Variants in EML5 observed in about 807,000 individuals in gnomAD.
EML5 encodes echinoderm microtubule-associated protein-like 5.
Under a neutral mutation model 250.0 loss-of-function variants are expected in EML5, and 120 were observed. The ratio of observed to expected loss-of-function variants is 0.48; its 90% CI spans 0.41 to 0.56. The LOEUF (loss-of-function observed/expected upper bound fraction) is 0.56. EML5 is among the 20% of genes least tolerant of loss of function. The pLI is 0.00. For synonymous variants in EML5, 771 were observed against 806.5 expected, an observed-to-expected ratio of 0.96 and a Z score of 0.75; for missense variants, 2,006 against 2,437.6, an observed-to-expected ratio of 0.82 and a Z score of 3.73.
intron 21 of EML5, among the ~76,000 whole-genome samples, chr14:88,678,453 A>T (rs868846570): frequency 4.6e-5 from 7 of 150,822 alleles, no homozygotes; most frequent in African/African-American, 7.4e-5. Flanking sequence ...AACATAAAAT[A>T]AAAAAAAATT....
chr14:88,741,696 CCA>C (rs1171471230), intron 4 of EML5, among the ~76,000 whole-genome samples: 1 of 151,908 alleles, frequency 6.6e-6, no homozygotes, highest in Non-Finnish European at 1.5e-5. Context: ...CCAGCATGGG[CCA>C]CATGGTAGGA....
At chr14:88,787,200 A>G (rs2094560012) in intron 1 of EML5, among the ~76,000 whole-genome samples, 1 of 152,196 alleles carries the variant, frequency 6.6e-6, no homozygotes, top group Admixed American at 6.5e-5. Context: ...TATATTCTAT[A>G]AGAAACACTG....
intron 14 of EML5, among the ~76,000 whole-genome samples, chr14:88,698,923 A>C (rs1595566966): frequency 6.6e-6 from 1 of 152,222 alleles, no homozygotes; most frequent in Non-Finnish European, 1.5e-5. Flanking sequence ...CGAGATGGGA[A>C]CAGATAACAT....
At position 88,746,930 on chromosome 14, in the gene EML5, C is replaced by G. The variant is rs144732765; in HGVS notation, c.358-647G>C. Among the ~76,000 whole-genome samples, 22 of 152,288 alleles carry G rather than the reference C, an allele frequency of 1.4e-4. No homozygotes were observed. The East Asian group carries it at 2.5e-3, about 17-fold the overall frequency. On this transcript the variant is annotated intron_variant, in intron 2 of 43. Transcript: ENST00000554922. ...TCACATGGTTGCTGGCCTAAATTCT[C>G]ATTAAACATGAATCCTTCAACTAGG...
chr14:88,792,476 G>A lies in EML5; in HGVS notation c.28C>T (p.His10Tyr). Reference sequence around the variant, plus strand: ...CCGTACACCCACTCGAGCCGCAGGTGGCAGCTCGGGGCGCTCCGGGCCGCC... The same window carrying A: ...CCGTACACCCACTCGAGCCGCAGGTAGCAGCTCGGGGCGCTCCGGGCCGCC... Reference protein sequence around the residue: MAARSAPSCHLRLEWVYGYR... With the variant: MAARSAPSCYLRLEWVYGYR... Residue 10 changes from histidine (H) to tyrosine (Y), a missense_variant, in exon 1 of 44, where the codon CAC becomes TAC. Coordinates refer to ENST00000554922, the MANE Select transcript of EML5 (RefSeq NM_183387.3). This position sits in a 1 kb window ranked among gnomAD's most constrained non-coding sequence, Gnocchi z 6.9. 4.1e-6 allele frequency: 6 copies of A among 1,466,196 alleles called. No homozygotes were observed. Among genetic ancestry groups the A allele is most frequent in the Admixed American group, 2.3e-5 (1 of 42,946 alleles). 90.8% of individuals were successfully genotyped at this position (1,466,196 alleles called of 1,614,324 possible). A position where few individuals can be genotyped will look rare whatever the true frequency, so the allele number is the denominator to read the frequency against.
chr14:88,758,022 T>A (rs2094187205), intron 1 of EML5, among the ~76,000 whole-genome samples: 1 of 146,244 alleles, frequency 6.8e-6, no homozygotes, highest in African/African-American at 2.6e-5. Flanking sequence ...CTGTCTAATT[T>A]TTTTTTTTTT....
chr14:88,627,355 A>G (rs1391057665), intron 34 of EML5: 2 of 450,130 alleles, frequency 4.4e-6, no homozygotes, highest in East Asian at 7.6e-5. Flanking sequence ...AATCTCCAAA[A>G]CCAATCAAAT....
rs541237008 is a variant in EML5, at chr14:88,738,864, T to A, written c.847+15A>T. 14 of 1,552,240 alleles carry A rather than the reference T, an allele frequency of 9.0e-6. No individual in the cohort carries two copies. In the East Asian group the frequency reaches 3.4e-4, roughly 37 times the overall value. ...TAGAGTTTGCCTAGTAATAAGACAT[T>A]TGTTTTGTTATTACCTTTGTATCCC... On this transcript the variant is annotated intron_variant, in intron 6 of 43. Transcript: ENST00000554922.
rs1595170743 is a variant in EML5 at position 88,615,478 on chromosome 14, G to T, written c.*340C>A. 2 of 236,850 alleles carry T rather than the reference G, an allele frequency of 8.4e-6. No homozygotes were observed. Among genetic ancestry groups the T allele is most frequent in the African/African-American group, 4.5e-5 (2 of 44,802 alleles). 14.7% of individuals were successfully genotyped at this position (236,850 alleles called of 1,614,324 possible). On this transcript the variant is annotated 3_prime_UTR_variant, in exon 44 of 44. Transcript: ENST00000554922. ...AGATAATGAAAATTATCCAAATTGG[G>T]TTTTTGAGTTCTTCTGTAAAGAGTG...
At chr14:88,747,918 G>A (rs955492802) in intron 2 of EML5, among the ~76,000 whole-genome samples, 2 of 151,128 alleles carry the variant, frequency 1.3e-5, no homozygotes, top group African/African-American at 4.9e-5. Context: ...GCTAGAAACT[G>A]TACAGAATAC....
intron 21 of EML5, among the ~76,000 whole-genome samples, chr14:88,668,246 G>T (rs1249432382): frequency 6.6e-6 from 1 of 152,112 alleles, no homozygotes; most frequent in Non-Finnish European, 1.5e-5. Context: ...GACAGTGACC[G>T]ACTGAATCTA....
chr14:88,780,300 T>G (rs1389950533), intron 1 of EML5, among the ~76,000 whole-genome samples: 1 of 152,126 alleles, frequency 6.6e-6, no homozygotes, highest in Non-Finnish European at 1.5e-5. Flanking sequence ...GTCTTTGTTC[T>G]AGGCTATTTT....
At chr14:88,762,263 C>G (rs1197812979) in intron 1 of EML5, among the ~76,000 whole-genome samples, 1 of 152,140 alleles carries the variant, frequency 6.6e-6, no homozygotes, top group Non-Finnish European at 1.5e-5. Context: ...GTAATCCCAG[C>G]ACTTTGGGAG....
intron 25 of EML5, among the ~76,000 whole-genome samples, chr14:88,660,059 T>G (rs753926053): frequency 2.0e-5 from 3 of 152,064 alleles, no homozygotes; most frequent in Non-Finnish European, 4.4e-5. Context: ...GAGGATCACC[T>G]GGGTTCAGGA....
intron 1 of EML5, among the ~76,000 whole-genome samples, chr14:88,791,516 C>A (rs889515236): frequency 2.0e-5 from 3 of 152,166 alleles, no homozygotes; most frequent in Admixed American, 2.0e-4. Flanking sequence ...TTCAAATATA[C>A]CGCTCACTAA....
chr14:88,701,232 G>C (rs560571899), intron 14 of EML5, among the ~76,000 whole-genome samples: 1 of 152,264 alleles, frequency 6.6e-6, no homozygotes, highest in Non-Finnish European at 1.5e-5. Flanking sequence ...GGAAGTGGGT[G>C]TTCCTGGCTT....
In EML5 at chr14:88,620,840, T is replaced by G; in HGVS notation, c.5289A>C (p.Lys1763Asn). 6.3e-7 allele frequency: 1 copy of G among 1,599,578 alleles called. No homozygotes were observed. The highest frequency in any genetic ancestry group is 8.5e-7 in the Non-Finnish European group (1 of 1,172,268). ...PEGDMVAIGMKNGEFIILLVS... is the reference protein window; with the variant it reads ...PEGDMVAIGMNNGEFIILLVS... ...CTAGTAAAATGATAAATTCTCCATT[T>G]TTCATTCCAATAGCCACCATGTCCC... Residue 1763 changes from lysine to asparagine, a missense_variant, in exon 39 of 44, where the codon AAA becomes AAC. Lys to Asn is a moderately conservative substitution (Grantham distance 94). Around this residue, in one of 7 missense-constraint regions of EML5, gnomAD observed 405 missense variants for 523.3 expected, o/e 0.77. Coordinates refer to ENST00000554922, the MANE Select transcript of EML5 (RefSeq NM_183387.3). This position sits in a 1 kb window ranked among gnomAD's most constrained non-coding sequence, Gnocchi z 4.3.
chr14:88,661,267 G>A (rs1461226394), intron 25 of EML5, among the ~76,000 whole-genome samples: 4 of 152,048 alleles, frequency 2.6e-5, no homozygotes, highest in Non-Finnish European at 5.9e-5. Flanking sequence ...TTTTTTCTCT[G>A]TTTTGTAGAG....
chr14:88,762,369 T>C (rs1317872776), intron 1 of EML5, among the ~76,000 whole-genome samples: 2 of 151,982 alleles, frequency 1.3e-5, no homozygotes, highest in East Asian at 3.9e-4. Context: ...AATTAGCGGG[T>C]TGTGGTGGCA....
Sources: gnomAD v4.1 joint callset for allele counts (sites outside exome capture counted in the v4.1 genomes callset) on GRCh38, gnomAD v4.1.1 for gene constraint, gnomAD v4.1.1 regional missense constraint, Gnocchi (gnomAD v3.1) non-coding constraint, MANE v1.5 for transcripts, NCBI Gene and HGNC (gene_info 2026-07-23, HGNC 2026-07-21) for gene names.